CACNA1D: variants seen among roughly 807,000 people sequenced by gnomAD.
CACNA1D encodes the protein voltage-dependent L-type calcium channel subunit alpha-1D.
Under a neutral mutation model 257.1 loss-of-function variants are expected in CACNA1D, and 55 were observed. That is an observed-to-expected ratio of 0.21 (90% confidence interval 0.17 to 0.27). CACNA1D has a LOEUF of 0.27. CACNA1D is among the 10% of genes least tolerant of loss of function. The pLI, the probability that CACNA1D is intolerant of heterozygous loss-of-function variation, is 1.00. For synonymous variants in CACNA1D, 980 were observed against 1,014.9 expected (o/e 0.97, Z 0.65); for missense variants, 1,876 against 2,784.0 (o/e 0.67, Z 7.34).
At chr3:53,532,051 G>C (rs2091969080) in intron 3 of CACNA1D, among the ~76,000 whole-genome samples, 1 of 152,150 alleles carries the variant, frequency 6.6e-6, no homozygotes, top group African/African-American at 2.4e-5. Flanking sequence ...TAACAGGTAG[G>C]GTAATGTTTA....
intron 33 of CACNA1D, chr3:53,773,252 GC>G: frequency 1.8e-5 from 6 of 336,768 alleles, no homozygotes; most frequent in South Asian, 9.9e-5. Flanking sequence ...TCTGTGCCGA[GC>G]CGTCGCGGGA....
intron 3 of CACNA1D, among the ~76,000 whole-genome samples, chr3:53,540,934 G>T (rs903652279): frequency 3.3e-5 from 5 of 152,068 alleles, no homozygotes; most frequent in Admixed American, 6.6e-5. Flanking sequence ...TAGAGACAGG[G>T]TTTCACCATG....
chr3:53,741,190 G>T (rs1296271105), intron 21 of CACNA1D, among the ~76,000 whole-genome samples: 1 of 152,140 alleles, frequency 6.6e-6, no homozygotes, highest in Admixed American at 6.5e-5. Context: ...TCCAAAACTG[G>T]CCAAGAACCA....
chr3:53,742,889 T>G lies in CACNA1D; in HGVS notation c.2812-122T>G, dbSNP rs530910195. ...GTGGCTCAACCCCGTTGGTTTACAT[T>G]TCTGACTTCTTAATGCACACTTGTT... On this transcript the variant is annotated intron_variant, in intron 21 of 47. Coordinates refer to ENST00000350061, the MANE Select transcript of CACNA1D (RefSeq NM_001128840.3). 5.3e-6 allele frequency: 4 copies of G among 752,564 alleles called. No individual in the cohort carries two copies. In the South Asian group the frequency reaches 5.9e-5, roughly 11 times the overall value. 46.6% of individuals were successfully genotyped at this position (752,564 alleles called of 1,614,324 possible).
At position 53,587,012 on chromosome 3, in the gene CACNA1D, G is replaced by GGGCGT. The variant is rs528908497; in HGVS notation, c.484-63765_484-63761dup. On this transcript the variant is annotated intron_variant, in intron 3 of 47. Transcript: ENST00000350061. ...TGAAGAGAGTCAGGAAGATTGTCCAGGGCGTGATGTGTTCCTGGAACCGTG... is the reference window on the plus strand; with the variant it reads ...TGAAGAGAGTCAGGAAGATTGTCCAGGGCGTGGCGTGATGTGTTCCTGGAACCGTG... Among the ~76,000 whole-genome samples the GGGCGT allele has an allele frequency of 1.5e-3, 222 of 152,248 alleles. 1 individual carries two copies. The highest frequency in any genetic ancestry group is 5.1e-3 in the African/African-American group (211 of 41,550).
intron 3 of CACNA1D, among the ~76,000 whole-genome samples, chr3:53,539,977 A>G (rs1377113899): frequency 2.6e-5 from 4 of 151,266 alleles, no homozygotes; most frequent in Non-Finnish European, 5.9e-5. Flanking sequence ...GCATTTTTAT[A>G]TGTATTGGGT....
intron 30 of CACNA1D, among the ~76,000 whole-genome samples, chr3:53,764,033 A>G (rs2095318565): frequency 6.6e-6 from 1 of 152,190 alleles, no homozygotes; most frequent in South Asian, 2.1e-4. Flanking sequence ...GACTGTGCCC[A>G]TGAGGGTGTG....
chr3:53,748,562 G>A (rs1576546353), intron 26 of CACNA1D, among the ~76,000 whole-genome samples: 1 of 152,224 alleles, frequency 6.6e-6, no homozygotes, highest in East Asian at 1.9e-4. Flanking sequence ...GCAAACCTGG[G>A]ACTCGGGGCT....
At chr3:53,545,844 T>C (rs1466729897) in intron 3 of CACNA1D, among the ~76,000 whole-genome samples, 1 of 152,152 alleles carries the variant, frequency 6.6e-6, no homozygotes, top group South Asian at 2.1e-4. Flanking sequence ...AAGTCCAGAT[T>C]GTTTCTATTG....
At chr3:53,761,733 C>T (rs1291197151) in intron 29 of CACNA1D, among the ~76,000 whole-genome samples, 2 of 151,896 alleles carry the variant, frequency 1.3e-5, no homozygotes, top group African/African-American at 4.9e-5. Context: ...TTTGGTGCCA[C>T]TCAGGACCGT....
chr3:53,646,292 G>A (rs1020670823), intron 3 of CACNA1D, among the ~76,000 whole-genome samples: 2 of 152,210 alleles, frequency 1.3e-5, no homozygotes, highest in Admixed American at 1.3e-4. Context: ...GAGATATTGA[G>A]ATCAGCTGTT....
At chr3:53,538,068 C>G (rs2092166264) in intron 3 of CACNA1D, among the ~76,000 whole-genome samples, 1 of 142,822 alleles carries the variant, frequency 7.0e-6, no homozygotes, top group Non-Finnish European at 1.5e-5. Flanking sequence ...GCTGGATACT[C>G]TTAGTTCTAT....
chr3:53,544,167 G>C (rs1327567446), intron 3 of CACNA1D, among the ~76,000 whole-genome samples: 1 of 152,168 alleles, frequency 6.6e-6, no homozygotes, highest in Non-Finnish European at 1.5e-5. Flanking sequence ...ACAAATTCAT[G>C]CTGTGGTCTA....
In CACNA1D at chr3:53,732,098, C is replaced by T. The variant is rs772224100; in HGVS notation, c.2473+16C>T. 3.1e-6 allele frequency: 5 copies of T among 1,597,380 alleles called. No homozygotes were observed. The highest frequency in any genetic ancestry group is 1.3e-5 in the African/African-American group (1 of 74,606). On this transcript the variant is annotated intron_variant, in intron 18 of 47. Transcript: ENST00000350061. ...GATGTGCCAGGTATGGTGGCGGAGG[C>T]CGGAGACGCTGGCTTTGCTGTGTGT...
chr3:53,694,786 C>A (rs376690313), intron 8 of CACNA1D, among the ~76,000 whole-genome samples: 1 of 152,318 alleles, frequency 6.6e-6, no homozygotes, highest in African/African-American at 2.4e-5. Context: ...CTTTCCCCAG[C>A]TGTGCAGGCT....
chr3:53,641,283 G>A (rs911471158), intron 3 of CACNA1D, among the ~76,000 whole-genome samples: 2 of 152,162 alleles, frequency 1.3e-5, no homozygotes, highest in African/African-American at 4.8e-5. Context: ...TTCTCAAGAA[G>A]CCTTCCCAGA....
At chr3:53,686,174 T>C (rs1010170675) in intron 8 of CACNA1D, among the ~76,000 whole-genome samples, 2 of 152,114 alleles carry the variant, frequency 1.3e-5, no homozygotes, top group Non-Finnish European at 2.9e-5. Flanking sequence ...TATATTTGCC[T>C]TTTTAAATGG....
intron 21 of CACNA1D, among the ~76,000 whole-genome samples, chr3:53,740,789 A>G (rs1321589806): frequency 6.6e-6 from 1 of 152,186 alleles, no homozygotes; most frequent in Non-Finnish European, 1.5e-5. Context: ...ATATATCTCT[A>G]TGTGTGAACT....
intron 3 of CACNA1D, among the ~76,000 whole-genome samples, chr3:53,520,033 TTA>T (rs2107328888): frequency 6.6e-6 from 1 of 152,368 alleles, no homozygotes; most frequent in East Asian, 1.9e-4. Flanking sequence ...CCACATTTAT[TTA>T]TCTCTTCATC....
Sources: allele counts gnomAD v4.1 joint callset (sites outside exome capture counted in the v4.1 genomes callset), GRCh38; gene constraint gnomAD v4.1.1; transcripts MANE v1.5; gene names NCBI Gene and HGNC (gene_info 2026-07-23, HGNC 2026-07-21).